CHST8: variants seen among roughly 807,000 people sequenced by gnomAD.
CHST8 encodes GALNAC-4-ST1.
Under a neutral mutation model 15.0 loss-of-function variants are expected in CHST8, and 10 were observed. That is an observed-to-expected ratio of 0.67 (90% CI 0.41 to 1.13). CHST8 has a LOEUF of 1.13. Among genes scored for constraint, CHST8 ranks in the 50% most tolerant of loss-of-function variants. CHST8 has a pLI of 0.00. For missense variants in CHST8, 634 were observed against 608.2 expected (o/e 1.04, Z -0.45); for synonymous variants, 259 against 256.6 (o/e 1.01, Z -0.09).
chr19:33,652,942 G>T (rs1046578933), intron 1 of CHST8, among the ~76,000 whole-genome samples: 9 of 151,992 alleles, frequency 5.9e-5, no homozygotes, highest in Non-Finnish European at 8.8e-5. Context: ...TAATGATCTT[G>T]GAACACTTTA....
chr19:33,725,699 T>C (rs1164634801), intron 3 of CHST8, among the ~76,000 whole-genome samples: 2 of 152,216 alleles, frequency 1.3e-5, no homozygotes, highest in Non-Finnish European at 2.9e-5. Context: ...AGAGGTGTGA[T>C]GAAAGAAGGG....
At chr19:33,767,970 G>T (rs1599643395) in intron 3 of CHST8, among the ~76,000 whole-genome samples, 1 of 152,116 alleles carries the variant, frequency 6.6e-6, no homozygotes, top group African/African-American at 2.4e-5. Context: ...TGCCCCCCAC[G>T]GCACTGGTAC....
rs554580280 is a variant in CHST8, at chr19:33,623,557, C to G, written c.-164+1261C>G. ...TTTTATTTCCCACCGCCGCCCAAGG[C>G]CCCCAGGAGCTACAATACCAAGCCC... On this transcript the variant is annotated intron_variant, in intron 1 of 4. Transcript: ENST00000650847. Among the ~76,000 whole-genome samples, 79 of 152,290 alleles carry G rather than the reference C, an allele frequency of 5.2e-4. 1 individual carries two copies. The highest frequency in any genetic ancestry group is 1.9e-3 in the African/African-American group (77 of 41,562).
chr19:33,772,036 C>T lies in CHST8; in HGVS notation c.248C>T (p.Ala83Val). ...GTCACTCGGGACTTATCCAGTGGGGCCCCGAGGGGCCGCAACCTGCCAGCG... is the reference window on the plus strand; with the variant it reads ...GTCACTCGGGACTTATCCAGTGGGGTCCCGAGGGGCCGCAACCTGCCAGCG... Reference protein sequence around the residue: ...ERVTRDLSSGAPRGRNLPAPD... With the variant: ...ERVTRDLSSGVPRGRNLPAPD... The change falls in exon 5 of 5, where the codon GCC (alanine) becomes GTC (valine). Residue 83 changes from alanine to valine, a missense_variant. Coordinates refer to ENST00000650847, the MANE Select transcript of CHST8 (RefSeq NM_001127895.2). 1.2e-6 allele frequency: 2 copies of T among 1,611,910 alleles called. No homozygotes were observed. The highest frequency in any genetic ancestry group is 1.7e-6 in the Non-Finnish European group (2 of 1,179,548).
At chr19:33,717,039 C>T (rs919038697) in intron 3 of CHST8, among the ~76,000 whole-genome samples, 8 of 152,088 alleles carry the variant, frequency 5.3e-5, no homozygotes, top group African/African-American at 1.4e-4. Context: ...TTTTTGATAC[C>T]GGTGGGCTGG....
At chr19:33,759,276 A>T (rs1227023963) in intron 3 of CHST8, among the ~76,000 whole-genome samples, 1 of 152,258 alleles carries the variant, frequency 6.6e-6, no homozygotes, top group Admixed American at 6.5e-5. Context: ...ATTTGCTGGT[A>T]ACCCCACAAT....
At chr19:33,707,194 A>C (rs1193190341) in intron 3 of CHST8, among the ~76,000 whole-genome samples, 1 of 152,190 alleles carries the variant, frequency 6.6e-6, no homozygotes, top group Non-Finnish European at 1.5e-5. Flanking sequence ...CTGGGACCAC[A>C]GGCACATGCC....
At chr19:33,757,816 C>T (rs910905710) in intron 3 of CHST8, among the ~76,000 whole-genome samples, 37 of 152,146 alleles carry the variant, frequency 2.4e-4, no homozygotes, top group Non-Finnish European at 4.4e-4. Flanking sequence ...CCCAGCCTCC[C>T]GAGTAGCTGG....
At chr19:33,711,050 T>C (rs1428741635) in intron 3 of CHST8, among the ~76,000 whole-genome samples, 1 of 152,090 alleles carries the variant, frequency 6.6e-6, no homozygotes, top group Non-Finnish European at 1.5e-5. Flanking sequence ...TCTTTATTTT[T>C]TGTTGAGAGA....
chr19:33,759,891 G>A (rs1974681724), intron 3 of CHST8, among the ~76,000 whole-genome samples: 1 of 152,154 alleles, frequency 6.6e-6, no homozygotes, highest in African/African-American at 2.4e-5. Context: ...AATCTGCCAT[G>A]ATGGGATTTC....
chr19:33,719,726 G>A (rs921266935), intron 3 of CHST8, among the ~76,000 whole-genome samples: 1 of 144,372 alleles, frequency 6.9e-6, no homozygotes, highest in African/African-American at 2.6e-5. Context: ...TGGGGACCTG[G>A]AGCAATTTAC....
intron 3 of CHST8, among the ~76,000 whole-genome samples, chr19:33,690,900 A>G (rs1423892282): frequency 4.6e-5 from 7 of 152,172 alleles, no homozygotes; most frequent in African/African-American, 1.7e-4. Context: ...AGGGCGAGCA[A>G]ACGCTGACTG....
chr19:33,686,736 G>T (rs1055789533), intron 2 of CHST8, among the ~76,000 whole-genome samples: 2 of 152,168 alleles, frequency 1.3e-5, no homozygotes, highest in Non-Finnish European at 2.9e-5. Flanking sequence ...TGCAGGAAGC[G>T]CACCCACACC....
chr19:33,631,284 T>C (rs1972118833), intron 1 of CHST8, among the ~76,000 whole-genome samples: 1 of 152,158 alleles, frequency 6.6e-6, no homozygotes, highest in East Asian at 1.9e-4. Flanking sequence ...ACACCTCCTA[T>C]AGACATCTGG....
intron 1 of CHST8, 57 bp downstream of exon 1, chr19:33,622,353 T>C (rs1345591483): frequency 6.6e-6 from 1 of 151,870 alleles, no homozygotes; most frequent in African/African-American, 2.4e-5. Context: ...GCTCCTGGCC[T>C]GCAGAGACGC....
At chr19:33,736,072 C>T (rs1278222184) in intron 3 of CHST8, among the ~76,000 whole-genome samples, 1 of 152,156 alleles carries the variant, frequency 6.6e-6, no homozygotes, top group African/African-American at 2.4e-5. Context: ...GGCCGGGATC[C>T]CAGGCCCAGC....
At chr19:33,736,906 G>A (rs1240610709) in intron 3 of CHST8, among the ~76,000 whole-genome samples, 1 of 152,142 alleles carries the variant, frequency 6.6e-6, no homozygotes, top group East Asian at 1.9e-4. Context: ...ATGCAGTAGA[G>A]AAGCTGGCCA....
At chr19:33,723,825 G>T (rs17227533) in intron 3 of CHST8, among the ~76,000 whole-genome samples, 11,385 of 152,242 alleles carry the variant, frequency 0.075, 607 homozygotes, top group Middle Eastern at 0.13. Flanking sequence ...TCTCTGGGCC[G>T]CCATTGTCAC....
At position 33,750,157 on chromosome 19, in the gene CHST8, G is replaced by A. The variant is rs936215329; in HGVS notation, c.131-21256G>A. 2.6e-5 allele frequency among the ~76,000 whole-genome samples: 4 copies of A among 152,202 alleles called. No individual in the cohort carries two copies. The South Asian group carries it at 6.2e-4, about 24-fold the overall frequency. ...ACCCAAGAGAGGAGGGTGACCTAAG[G>A]GGGGTGGTGACAGCATGAGGTCACA... is the stretch of plus-strand genomic sequence containing the variant. On this transcript the variant is annotated intron_variant, in intron 3 of 4. Coordinates refer to ENST00000650847, the MANE Select transcript of CHST8 (RefSeq NM_001127895.2).
Sources: gnomAD v4.1 joint callset for allele counts (sites outside exome capture counted in the v4.1 genomes callset) on GRCh38, gnomAD v4.1.1 for gene constraint, MANE v1.5 for transcripts, NCBI Gene and HGNC (gene_info 2026-07-23, HGNC 2026-07-21) for gene names.